FRMPD4: variants seen among roughly 807,000 people sequenced by gnomAD.
The protein encoded by FRMPD4 is FERM and PDZ domain-containing protein 4.
FRMPD4 carries 22 observed loss-of-function variants against 94.1 expected under a neutral mutation model. That is an observed-to-expected ratio of 0.23 (90% confidence interval 0.17 to 0.33). The LOEUF (loss-of-function observed/expected upper bound fraction) is 0.33, where lower values mean the gene tolerates loss of function less well. Ranked by LOEUF, FRMPD4 falls within the 10% of genes least tolerant of loss-of-function variation. The probability of loss-of-function intolerance (pLI) is 1.00; values close to 1 mark genes in which losing one functional copy is unlikely to be tolerated. For synonymous variants in FRMPD4, 631 were observed against 548.6 expected (o/e 1.15, Z -2.10); for missense variants, 1,111 against 1,339.9 (o/e 0.83, Z 2.67).
In FRMPD4 at chrX:12,291,492, A is replaced by G. The variant is rs543332935; in HGVS notation, c.41+152480A>G. Among the ~76,000 whole-genome samples the G allele has an allele frequency of 6.2e-5, 7 of 112,080 alleles. No homozygotes were observed. The South Asian group carries it at 2.6e-3, about 42-fold the overall frequency. On this transcript the variant is annotated intron_variant, in intron 1 of 16. Coordinates refer to ENST00000675598, the MANE Select transcript of FRMPD4 (RefSeq NM_001368397.1). ...TGCTAATTACTCTTAAATCATTGGC[A>G]CTGGATTCTCTCCCCATCTCCTTAT...
intron 1 of FRMPD4, among the ~76,000 whole-genome samples, chrX:12,210,994 G>A (rs1195305580): frequency 8.9e-6 from 1 of 112,234 alleles, no homozygotes; most frequent in Non-Finnish European, 1.9e-5. Context: ...TCTCTGAAAG[G>A]TACTTTTGTT....
At chrX:12,198,452 G>A (rs763752724) in intron 1 of FRMPD4, among the ~76,000 whole-genome samples, 5 of 111,832 alleles carry the variant, frequency 4.5e-5, no homozygotes, top group African/African-American at 9.7e-5. Flanking sequence ...ACCCCACCCC[G>A]ACTTACCAAA....
intron 1 of FRMPD4, among the ~76,000 whole-genome samples, chrX:12,174,961 T>C (rs2056276238): frequency 8.9e-6 from 1 of 112,486 alleles, no homozygotes. Flanking sequence ...AAGCTGCATG[T>C]ACCTTTATGA....
chrX:12,714,310 C>A (rs1214193295), intron 14 of FRMPD4, among the ~76,000 whole-genome samples: 1 of 111,331 alleles, frequency 9.0e-6, no homozygotes, highest in Non-Finnish European at 1.9e-5. Context: ...CCGCCTCCTG[C>A]TTCTGGTGGC....
chrX:12,569,828 G>C (rs1172332070), intron 2 of FRMPD4, among the ~76,000 whole-genome samples: 1 of 112,026 alleles, frequency 8.9e-6, no homozygotes, highest in Non-Finnish European at 1.9e-5. Flanking sequence ...TAGCATTTTA[G>C]TGTATCTACA....
intron 11 of FRMPD4, among the ~76,000 whole-genome samples, chrX:12,706,341 A>G (rs1249184384): frequency 8.9e-6 from 1 of 112,020 alleles, no homozygotes; most frequent in African/African-American, 3.3e-5. Flanking sequence ...GGGGAAGTGT[A>G]AAGGGCCTGT....
At chrX:11,972,952 T>C (rs951018030) in intron 3 of FRMPD4, among the ~76,000 whole-genome samples, 1 of 112,353 alleles carries the variant, frequency 8.9e-6, no homozygotes, top group African/African-American at 3.2e-5. Context: ...CACAAGATAA[T>C]AGACAAGTAA....
chrX:12,548,213 A>C (rs2058498686), intron 2 of FRMPD4, among the ~76,000 whole-genome samples: 1 of 112,151 alleles, frequency 8.9e-6, no homozygotes, highest in Admixed American at 9.5e-5. Context: ...ATCTTAACTA[A>C]AGATGAAGGA....
At chrX:12,510,385 A>G (rs1472295358) in intron 2 of FRMPD4, among the ~76,000 whole-genome samples, 1 of 112,473 alleles carries the variant, frequency 8.9e-6, no homozygotes, top group Non-Finnish European at 1.9e-5. Context: ...GATGTTAACA[A>G]TAGGGGAAAC....
intron 1 of FRMPD4, among the ~76,000 whole-genome samples, chrX:12,242,568 G>T (rs996642829): frequency 1.8e-5 from 2 of 112,311 alleles, no homozygotes; most frequent in Middle Eastern, 4.6e-3. Context: ...AAATGCATTT[G>T]TGGGCTTGGG....
intron 1 of FRMPD4, among the ~76,000 whole-genome samples, chrX:12,216,286 G>T (rs2056806254): frequency 9.0e-6 from 1 of 111,524 alleles, no homozygotes; most frequent in South Asian, 3.8e-4. Flanking sequence ...CTAGCTCTGG[G>T]TGGACTTCGC....
chrX:12,248,824 A>C lies in FRMPD4; in HGVS notation c.41+109812A>C, dbSNP rs2053992184. Among the ~76,000 whole-genome samples, 3 of 112,397 alleles carry C rather than the reference A, an allele frequency of 2.7e-5. No individual in the cohort carries two copies. The South Asian group carries it at 1.1e-3, about 41-fold the overall frequency. On this transcript the variant is annotated intron_variant, in intron 1 of 16. Coordinates refer to ENST00000675598, the MANE Select transcript of FRMPD4 (RefSeq NM_001368397.1). ...GAGGCCGAGGCAGGTGGATCACCTGAGGTCAGGAGTTCCAGACCAGCCTGG... is the reference window on the plus strand; with the variant it reads ...GAGGCCGAGGCAGGTGGATCACCTGCGGTCAGGAGTTCCAGACCAGCCTGG...
intron 3 of FRMPD4, among the ~76,000 whole-genome samples, chrX:12,077,634 C>T (rs1363580304): frequency 9.0e-6 from 1 of 111,632 alleles, no homozygotes; most frequent in African/African-American, 3.3e-5. Context: ...AATCTAGAGG[C>T]TTTCCAGACT....
intron 1 of FRMPD4, among the ~76,000 whole-genome samples, chrX:12,193,555 A>G (rs1466174654): frequency 9.4e-6 from 1 of 106,587 alleles, no homozygotes. Flanking sequence ...CAAATATCTG[A>G]CAAGTAAAGG....
At chrX:11,883,121 G>A (rs989922106) in intron 3 of FRMPD4, among the ~76,000 whole-genome samples, 1 of 111,910 alleles carries the variant, frequency 8.9e-6, no homozygotes, top group African/African-American at 3.3e-5. Context: ...ATATTTTAGG[G>A]GCCAAATGAG....
intron 1 of FRMPD4, among the ~76,000 whole-genome samples, chrX:12,433,716 G>T (rs889904891): frequency 8.9e-6 from 1 of 112,039 alleles, no homozygotes; most frequent in Non-Finnish European, 1.9e-5. Context: ...AAATTCAGCA[G>T]CAATGAAAGA....
chrX:12,409,348 G>A (rs2056704526), intron 1 of FRMPD4, among the ~76,000 whole-genome samples: 1 of 111,521 alleles, frequency 9.0e-6, no homozygotes, highest in Non-Finnish European at 1.9e-5. Flanking sequence ...TTGTTATGGT[G>A]CTGCAGTTTT....
intron 1 of FRMPD4, among the ~76,000 whole-genome samples, chrX:12,485,431 A>C (rs1434785785): frequency 8.9e-6 from 1 of 111,919 alleles, no homozygotes; most frequent in African/African-American, 3.2e-5. Context: ...AGGGGCTTCA[A>C]GGGAAGTTTC....
At chrX:12,468,536 A>G (rs768308388) in intron 1 of FRMPD4, among the ~76,000 whole-genome samples, 5 of 112,010 alleles carry the variant, frequency 4.5e-5, no homozygotes, top group Non-Finnish European at 1.9e-5. Flanking sequence ...TTCAGGCCCT[A>G]TGCAGAATTA....
Sources: gnomAD v4.1 joint callset for allele counts (sites outside exome capture counted in the v4.1 genomes callset) on GRCh38, gnomAD v4.1.1 for gene constraint, MANE v1.5 for transcripts, NCBI Gene and HGNC (gene_info 2026-07-23, HGNC 2026-07-21) for gene names.